The following AFF4 variants were observed in gnomAD, a reference collection of about 807,000 sequenced individuals.
AFF4 encodes the protein ALF transcription elongation factor 4, also known as AF4/FMR2 family member 4.
Under a neutral mutation model 124.8 loss-of-function variants are expected in AFF4, and 13 were observed. The ratio of observed to expected loss-of-function variants is 0.10; its 90% CI spans 0.07 to 0.17. The LOEUF (loss-of-function observed/expected upper bound fraction) is 0.17, where lower values mean the gene tolerates loss of function less well. Among genes scored for constraint, AFF4 ranks in the 10% least tolerant of loss-of-function variants. AFF4 has a pLI of 1.00. For synonymous variants in AFF4, 477 were observed against 496.1 expected (o/e 0.96, Z 0.51); for missense variants, 1,092 against 1,403.8 (o/e 0.78, Z 3.55).
At chr5:132,950,037 G>A (rs1167564151) in intron 1 of AFF4, among the ~76,000 whole-genome samples, 2 of 150,446 alleles carry the variant, frequency 1.3e-5, no homozygotes, top group African/African-American at 4.9e-5. Context: ...ATAAACAAAT[G>A]AAAATAAAAA....
chr5:132,940,076 T>C (rs1043475427), intron 1 of AFF4, among the ~76,000 whole-genome samples: 3 of 152,070 alleles, frequency 2.0e-5, no homozygotes, highest in Non-Finnish European at 4.4e-5. Flanking sequence ...AGCAGGTGCC[T>C]ATAATCCCAG....
chr5:132,934,979 G>T, intron 2 of AFF4, 38 bp from the exon 3 acceptor site: 1 of 1,410,616 alleles, frequency 7.1e-7, no homozygotes, highest in South Asian at 1.5e-5. Flanking sequence ...TATAAAATGA[G>T]CATAATCAGA....
chr5:132,955,177 T>TCTCTC (rs1194067914), intron 1 of AFF4, among the ~76,000 whole-genome samples: 2 of 152,154 alleles, frequency 1.3e-5, no homozygotes, highest in Non-Finnish European at 2.9e-5. Context: ...CTTCTTCTCT[T>TCTCTC]CTCTCCTCTG....
intron 5 of AFF4, among the ~76,000 whole-genome samples, chr5:132,906,521 ATAC>A (rs1473118456): frequency 1.3e-5 from 2 of 152,238 alleles, no homozygotes; most frequent in Non-Finnish European, 2.9e-5. Flanking sequence ...AAAAGACCAC[ATAC>A]TACATTATAC....
At position 132,884,386 on chromosome 5, in the gene AFF4, C is replaced by T. The variant is rs117784320; in HGVS notation, c.3143+690G>A. On this transcript the variant is annotated intron_variant, in intron 19 of 20. Transcript: ENST00000265343. ...TCCAGAGTAGCTAGGATTACAGGCG[C>T]GCACGACACCACACCCGGCTAATTT... is the stretch of plus-strand genomic sequence containing the variant. Among the ~76,000 whole-genome samples, 632 of 152,162 alleles carry T rather than the reference C, an allele frequency of 4.2e-3. 26 individuals are homozygous for T. The East Asian group carries it at 0.095, about 23-fold the overall frequency.
intron 1 of AFF4, chr5:132,943,570 G>A (rs938751536): frequency 5.5e-6 from 1 of 180,862 alleles, no homozygotes; most frequent in Non-Finnish European, 1.3e-5. Flanking sequence ...GGAGACTGGT[G>A]TCAGCATAGA....
At chr5:132,902,401 C>CA in intron 7 of AFF4, 41 bp downstream of exon 7, 1 of 1,524,140 alleles carries the variant, frequency 6.6e-7, no homozygotes, top group South Asian at 1.1e-5. Context: ...TAACTTTTAG[C>CA]AAAAATGATA....
chr5:132,885,237 G>C (rs965876795), intron 18 of AFF4, 118 bp from the exon 19 acceptor site: 1 of 640,456 alleles, frequency 1.6e-6, no homozygotes, highest in Non-Finnish European at 2.5e-6. Flanking sequence ...AAATATTTAA[G>C]ACACCAAAAT....
In AFF4 at chr5:132,896,437, G is replaced by A; in HGVS notation, c.2193C>T (p.Tyr731=). ...CCCCCTTGGGCGGCTCTGTTTCTTT[G>A]TAAGGCTTTCCTGGTATTCTAGTCA... ...NLLTRIPGKP[Y]KETEPPKGEK... The change falls in exon 11 of 21, where the codon TAC becomes TAT. Residue 731 remains tyrosine (Y), a synonymous_variant. Transcript: ENST00000265343. 6.2e-7 allele frequency: 1 copy of A among 1,614,122 alleles called. No individual in the cohort carries two copies. The highest frequency in any genetic ancestry group is 8.5e-7 in the Non-Finnish European group (1 of 1,180,014).
chr5:132,883,117 C>T (rs1760026501), intron 20 of AFF4, among the ~76,000 whole-genome samples: 1 of 152,144 alleles, frequency 6.6e-6, no homozygotes, highest in South Asian at 2.1e-4. Flanking sequence ...AGTCCAAGAA[C>T]TATTTTCAGT....
intron 3 of AFF4, among the ~76,000 whole-genome samples, chr5:132,933,115 G>A (rs1348500388): frequency 6.6e-6 from 1 of 151,644 alleles, no homozygotes; most frequent in African/African-American, 2.4e-5. Context: ...ATAAAATTTG[G>A]GGCCAGGCGC....
intron 5 of AFF4, among the ~76,000 whole-genome samples, chr5:132,915,729 G>T (rs1003682750): frequency 6.6e-6 from 1 of 151,200 alleles, no homozygotes; most frequent in Non-Finnish European, 1.5e-5. Context: ...CACCACGCTC[G>T]GCTAATTTTT....
At chr5:132,887,412 A>C in intron 17 of AFF4, 109 bp downstream of exon 17, 1 of 1,015,482 alleles carries the variant, frequency 9.8e-7, no homozygotes, top group Non-Finnish European at 1.5e-6. Context: ...CAGATTTAAG[A>C]CAGGATTACA....
At chr5:132,888,016 A>C (rs1448846290) in intron 15 of AFF4, 34 bp from the exon 16 acceptor site, 11 of 1,611,754 alleles carry the variant, frequency 6.8e-6, no homozygotes, top group Non-Finnish European at 9.3e-6. Flanking sequence ...ATGAGTAATG[A>C]TCTACTATGG....
rs755428630 is a variant in AFF4, at chr5:132,934,546, G to GTGT, written c.516_518dup (p.Glu172_His173insGln). The GTGT allele has an allele frequency of 1.9e-5, 31 of 1,614,158 alleles. 1 individual carries two copies. The Middle Eastern group carries it at 4.8e-3, about 249-fold the overall frequency. On this transcript the variant is annotated inframe_insertion, in exon 3 of 21. Coordinates refer to ENST00000265343, the MANE Select transcript of AFF4 (RefSeq NM_014423.4). ...CAGGGCTGGAAGAACGTGATTTGGA[G>GTGT]TGTTCTGATCCATGCTGGCCTTTTT...
chr5:132,957,047 A>AAAAAAC (rs1761980309), intron 1 of AFF4, among the ~76,000 whole-genome samples: 1 of 143,574 alleles, frequency 7.0e-6, no homozygotes, highest in Non-Finnish European at 1.5e-5. Flanking sequence ...AAAAAAAAAA[A>AAAAAAC]AACAGAAAAA....
intron 5 of AFF4, among the ~76,000 whole-genome samples, chr5:132,917,843 G>A (rs1760950555): frequency 6.7e-6 from 1 of 148,592 alleles, no homozygotes; most frequent in South Asian, 2.1e-4. Flanking sequence ...CTCCCAAGTA[G>A]CTTGGATTAC....
chr5:132,928,904 G>T (rs908786047), intron 4 of AFF4, among the ~76,000 whole-genome samples: 1 of 152,076 alleles, frequency 6.6e-6, no homozygotes, highest in African/African-American at 2.4e-5. Flanking sequence ...ATTTTTAATA[G>T]AATTTCACTT....
intron 11 of AFF4, among the ~76,000 whole-genome samples, chr5:132,894,848 G>A (rs1760347146): frequency 6.6e-6 from 1 of 152,074 alleles, no homozygotes; most frequent in South Asian, 2.1e-4. Flanking sequence ...TAGCTACTTG[G>A]GAGGCTGAGG....
Sources: gnomAD v4.1 joint callset for allele counts (sites outside exome capture counted in the v4.1 genomes callset) on GRCh38, gnomAD v4.1.1 for gene constraint, MANE v1.5 for transcripts, NCBI Gene and HGNC (gene_info 2026-07-23, HGNC 2026-07-21) for gene names.